Variants in CC2D2A observed in about 807,000 individuals in gnomAD.
CC2D2A encodes the protein coiled-coil and C2 domain containing 2A.
Under a neutral mutation model 212.9 loss-of-function variants are expected in CC2D2A, and 155 were observed. That is an observed-to-expected ratio of 0.73 (90% CI 0.64 to 0.83). The LOEUF is 0.83. Ranked by LOEUF, CC2D2A falls within the 40% of genes least tolerant of loss-of-function variation. The pLI is 0.00. For missense variants in CC2D2A, 1,856 were observed against 1,956.2 expected, an observed-to-expected ratio of 0.95 and a Z score of 0.97; for synonymous variants, 667 against 686.5, an observed-to-expected ratio of 0.97 and a Z score of 0.44.
chr4:15,514,250 G>T (rs1327732690), intron 8 of CC2D2A, among the ~76,000 whole-genome samples: 1 of 152,222 alleles, frequency 6.6e-6, no homozygotes, highest in Non-Finnish European at 1.5e-5. Flanking sequence ...GGCAGTATAT[G>T]GTGAAGCTGG....
At chr4:15,519,566 CA>C in intron 11 of CC2D2A, 1 of 443,802 alleles carries the variant, frequency 2.3e-6, no homozygotes, top group South Asian at 1.6e-5. Context: ...CTGATAAAGA[CA>C]TACCCAAGCC....
At chr4:15,490,314 C>T (rs1475346247) in intron 4 of CC2D2A, among the ~76,000 whole-genome samples, 1 of 152,216 alleles carries the variant, frequency 6.6e-6, no homozygotes, top group East Asian at 1.9e-4. Context: ...CTAGCCCTAG[C>T]TCCAGACAAA....
intron 8 of CC2D2A, among the ~76,000 whole-genome samples, chr4:15,513,506 T>C (rs780435417): frequency 6.6e-6 from 1 of 152,224 alleles, no homozygotes; most frequent in Non-Finnish European, 1.5e-5. Context: ...CCCCAGAAGC[T>C]CTGTTCCTAA....
At chr4:15,512,274 C>A (rs1452176662) in intron 8 of CC2D2A, among the ~76,000 whole-genome samples, 1 of 152,154 alleles carries the variant, frequency 6.6e-6, no homozygotes, top group Admixed American at 6.5e-5. Flanking sequence ...ATGTTCATAG[C>A]AGCATTATTC....
intron 26 of CC2D2A, among the ~76,000 whole-genome samples, chr4:15,568,731 C>CA (rs1332124246): frequency 2.0e-5 from 3 of 152,192 alleles, no homozygotes; most frequent in African/African-American, 7.2e-5. Flanking sequence ...CCAGCCCTGC[C>CA]ATGCAGAGGC....
At chr4:15,553,534 C>A (rs557894864) in intron 19 of CC2D2A, among the ~76,000 whole-genome samples, 2 of 152,178 alleles carry the variant, frequency 1.3e-5, no homozygotes, top group East Asian at 3.9e-4. Context: ...TATCGGTATT[C>A]GATACAGTGA....
intron 4 of CC2D2A, chr4:15,482,212 C>T: frequency 1.0e-6 from 1 of 985,116 alleles, no homozygotes; most frequent in Non-Finnish European, 1.2e-6. Context: ...AATCTAAAAG[C>T]AATGATACAA....
Position 15,550,988 on chromosome 4 carries a change from A to G in CC2D2A, c.2338+8A>G. 6.4e-7 allele frequency: 1 copy of G among 1,573,744 alleles called. No individual in the cohort carries two copies. The highest frequency in any genetic ancestry group is 8.7e-7 in the Non-Finnish European group (1 of 1,149,562). On this transcript the variant is annotated splice_region_variant and intron_variant, in intron 18 of 36. Coordinates refer to ENST00000424120, the MANE Select transcript of CC2D2A (RefSeq NM_001378615.1). ...ACGAGGGAGTTGGAAGTGGTATGGA[A>G]AGCTAATATCTTCAATGGTTCACTG...
At chr4:15,568,011 G>T (rs1392628035) in intron 26 of CC2D2A, among the ~76,000 whole-genome samples, 8 of 152,134 alleles carry the variant, frequency 5.3e-5, no homozygotes, top group Non-Finnish European at 8.8e-5. Flanking sequence ...CAGATTCATT[G>T]TTGGGACATC....
At chr4:15,510,560 C>A (rs1716514670) in intron 7 of CC2D2A, among the ~76,000 whole-genome samples, 1 of 152,190 alleles carries the variant, frequency 6.6e-6, no homozygotes, top group South Asian at 2.1e-4. Context: ...TGTGCCACTG[C>A]ATTCCAGCCT....
At chr4:15,488,106 A>G (rs539172050) in intron 4 of CC2D2A, among the ~76,000 whole-genome samples, 15 of 152,082 alleles carry the variant, frequency 9.9e-5, no homozygotes, top group Admixed American at 9.2e-4. Context: ...CCGCAATTAC[A>G]GTGTTAGGGT....
At chr4:15,592,730 G>C (rs1445334154) in intron 33 of CC2D2A, among the ~76,000 whole-genome samples, 1 of 152,036 alleles carries the variant, frequency 6.6e-6, no homozygotes, top group African/African-American at 2.4e-5. Flanking sequence ...GCTCTATCTA[G>C]TTTATCCTGG....
rs1390446321 is a variant in CC2D2A, at chr4:15,540,781, T to C, written c.2004-56T>C. 3 of 1,457,632 alleles carry C rather than the reference T, an allele frequency of 2.1e-6. No individual in the cohort carries two copies. The East Asian group carries it at 7.4e-5, about 36-fold the overall frequency. The allele number at this position is 1,457,632 out of a possible 1,614,324, so 90.3% of individuals were successfully genotyped here. ...GTTCAGTTCTTATTTATCATATATT[T>C]TGGTGATCTTAGTAAATTATTACTA... On this transcript the variant is annotated intron_variant, in intron 16 of 36. Coordinates refer to ENST00000424120, the MANE Select transcript of CC2D2A (RefSeq NM_001378615.1).
intron 27 of CC2D2A, 85 bp downstream of exon 27, chr4:15,569,474 G>A: frequency 1.3e-6 from 1 of 772,596 alleles, no homozygotes; most frequent in Non-Finnish European, 2.2e-6. Context: ...ATTGTTACCA[G>A]AAAGGGGTCC....
intron 18 of CC2D2A, 147 bp downstream of exon 18, chr4:15,551,127 G>T: frequency 1.5e-6 from 1 of 658,924 alleles, no homozygotes; most frequent in Non-Finnish European, 2.3e-6. Context: ...GCAACTTTTT[G>T]CCAAGTTGCT....
intron 33 of CC2D2A, among the ~76,000 whole-genome samples, chr4:15,592,232 G>A (rs756492615): frequency 3.3e-5 from 5 of 151,674 alleles, no homozygotes; most frequent in Non-Finnish European, 7.4e-5. Context: ...CTATTGATAC[G>A]CTCAGGGGTC....
chr4:15,508,942 G>T (rs1716409767), intron 6 of CC2D2A, among the ~76,000 whole-genome samples: 1 of 152,176 alleles, frequency 6.6e-6, no homozygotes, highest in Non-Finnish European at 1.5e-5. Context: ...CATTTAGATT[G>T]TGCTTCATGA....
rs1030187077 is a variant in CC2D2A, at chr4:15,579,901, G to A, written c.3772-67G>A. On this transcript the variant is annotated intron_variant, in intron 29 of 36. Coordinates refer to ENST00000424120, the MANE Select transcript of CC2D2A (RefSeq NM_001378615.1). ...CATACATTTCCTGCATGTTGACTGT[G>A]GAATCTGAACACGTACTTTCTCTCT... The A allele has an allele frequency of 3.9e-5, 49 of 1,267,316 alleles. No homozygotes were observed. Among genetic ancestry groups the A allele is most frequent in the Non-Finnish European group, 4.2e-5 (37 of 873,168 alleles). The allele number at this position is 1,267,316 out of a possible 1,614,324, so 78.5% of individuals were successfully genotyped here.
At chr4:15,482,064 G>A (rs1714704913) in intron 4 of CC2D2A, 3 of 985,280 alleles carry the variant, frequency 3.0e-6, no homozygotes, top group Non-Finnish European at 3.6e-6. Context: ...TTAGACAAGA[G>A]GAGAAGTGGT....
Sources: allele counts gnomAD v4.1 joint callset (sites outside exome capture counted in the v4.1 genomes callset), GRCh38; gene constraint gnomAD v4.1.1; transcripts MANE v1.5; gene names NCBI Gene and HGNC (gene_info 2026-07-23, HGNC 2026-07-21).